Variants in LUC7L2 observed in about 807,000 individuals in gnomAD.
The protein encoded by LUC7L2 is LUC7 like 2, pre-mRNA splicing factor, also known as putative RNA-binding protein Luc7-like 2.
Under a neutral mutation model 52.8 loss-of-function variants are expected in LUC7L2, and 25 were observed. That is an observed-to-expected ratio of 0.47 (90% CI 0.34 to 0.66). The LOEUF is 0.66. Ranked by LOEUF, LUC7L2 falls within the 30% of genes least tolerant of loss-of-function variation. The pLI is 0.01. For synonymous variants in LUC7L2, 144 were observed against 160.9 expected (o/e 0.89, Z 0.80); for missense variants, 328 against 497.8 (o/e 0.66, Z 3.25).
At chr7:139,347,711 A>C (rs1027344945) in intron 1 of LUC7L2, among the ~76,000 whole-genome samples, 3 of 152,128 alleles carry the variant, frequency 2.0e-5, no homozygotes, top group African/African-American at 7.2e-5. Context: ...TGTTTAACAT[A>C]CCTTTTTTGT....
chr7:139,413,694 C>T (rs1795468686), intron 8 of LUC7L2, among the ~76,000 whole-genome samples: 1 of 152,208 alleles, frequency 6.6e-6, no homozygotes, highest in Non-Finnish European at 1.5e-5. Context: ...AGGAGAATCA[C>T]TTGAACCCAG....
intron 2 of LUC7L2, among the ~76,000 whole-genome samples, chr7:139,384,831 A>G (rs1794120522): frequency 6.6e-6 from 1 of 152,070 alleles, no homozygotes; most frequent in Non-Finnish European, 1.5e-5. Context: ...TCATGGTGCA[A>G]TACAGCCTTG....
chr7:139,391,872 C>T (rs762919325), intron 2 of LUC7L2, among the ~76,000 whole-genome samples: 4 of 152,296 alleles, frequency 2.6e-5, no homozygotes, highest in Non-Finnish European at 5.9e-5. Context: ...CAGGTGTGAG[C>T]CACCACGCCC....
intron 2 of LUC7L2, among the ~76,000 whole-genome samples, chr7:139,394,930 A>AT: frequency 6.6e-6 from 1 of 152,346 alleles, no homozygotes; most frequent in South Asian, 2.1e-4. Flanking sequence ...CACATTAAAA[A>AT]TACCTGGGGG....
chr7:139,344,318 A>G (rs1405565043), intron 1 of LUC7L2, among the ~76,000 whole-genome samples: 3 of 152,176 alleles, frequency 2.0e-5, no homozygotes, highest in East Asian at 3.8e-4. Flanking sequence ...ACCAAAATCC[A>G]TGGATGCTCA....
intron 9 of LUC7L2, among the ~76,000 whole-genome samples, chr7:139,420,870 C>T (rs965393497): frequency 6.6e-6 from 1 of 152,168 alleles, no homozygotes; most frequent in African/African-American, 2.4e-5. Context: ...GCGATCTGGG[C>T]TCACTGCAGC....
upstream of LUC7L2, among the ~76,000 whole-genome samples, chr7:139,357,633 T>G (rs920949154): frequency 6.6e-6 from 1 of 152,080 alleles, no homozygotes; most frequent in African/African-American, 2.4e-5. Flanking sequence ...GAATTCAGAG[T>G]TCTCTGAATA....
rs113223879 is a variant in LUC7L2, at chr7:139,406,574, G to T, written c.511-600G>T. Among the ~76,000 whole-genome samples the T allele has an allele frequency of 9.2e-5, 14 of 151,832 alleles. 1 individual carries two copies. The highest frequency in any genetic ancestry group is 3.4e-4 in the African/African-American group (14 of 41,404). On this transcript the variant is annotated intron_variant, in intron 5 of 9. Transcript: ENST00000354926. ...TCACCATGTTGGCCAGGCTGGTCTT[G>T]AACTCCTGACCTGGGGTGATCTGTC...
At chr7:139,353,370 A>G (rs1162163013) in intron 1 of LUC7L2, among the ~76,000 whole-genome samples, 1 of 152,172 alleles carries the variant, frequency 6.6e-6, no homozygotes, top group African/African-American at 2.4e-5. Flanking sequence ...ACTTGTACCT[A>G]TTCTGTTTTA....
intron 7 of LUC7L2, among the ~76,000 whole-genome samples, chr7:139,412,328 C>T (rs1260447824): frequency 2.0e-5 from 3 of 151,766 alleles, no homozygotes; most frequent in African/African-American, 7.3e-5. Flanking sequence ...CTCCTAGGAA[C>T]ATATTCTTTA....
intron 3 of LUC7L2, 110 bp from the exon 4 acceptor site, chr7:139,402,027 C>T (rs577718456): frequency 2.4e-4 from 283 of 1,190,222 alleles, no homozygotes; most frequent in Non-Finnish European, 2.5e-4. Flanking sequence ...CGTGAGCCAC[C>T]GTGCCCCACC....
intron 9 of LUC7L2, among the ~76,000 whole-genome samples, chr7:139,420,033 A>G (rs898666577): frequency 6.8e-6 from 1 of 147,880 alleles, no homozygotes; most frequent in Admixed American, 6.7e-5. Flanking sequence ...TCCTTTCCCT[A>G]CTGTGAAATA....
chr7:139,408,881 C>CTTA lies in LUC7L2; in HGVS notation c.688-680_688-678dup, dbSNP rs1795232683. Among the ~76,000 whole-genome samples the CTTA allele has an allele frequency of 2.0e-5, 3 of 149,598 alleles. No individual in the cohort carries two copies. In the South Asian group the frequency reaches 6.3e-4, roughly 32 times the overall value. On this transcript the variant is annotated intron_variant, in intron 6 of 9. Coordinates refer to ENST00000354926, the MANE Select transcript of LUC7L2 (RefSeq NM_016019.5). ...AAAGTCATGGAGCTGGGTATGGTGG[C>CTTA]TTATGCCTGTAATCCCAGCACTTTG...
chr7:139,407,431 C>T (rs1795175949), intron 6 of LUC7L2, 81 bp downstream of exon 6: 2 of 1,448,718 alleles, frequency 1.4e-6, no homozygotes, highest in East Asian at 2.3e-5. Flanking sequence ...ATATTCTTGA[C>T]TATGATTCAG....
intron 2 of LUC7L2, chr7:139,392,637 G>A (rs1336162003): frequency 5.1e-6 from 1 of 195,500 alleles, no homozygotes; most frequent in Non-Finnish European, 1.1e-5. Context: ...CTTGTGGAAG[G>A]AATTTAATTA....
intron 2 of LUC7L2, among the ~76,000 whole-genome samples, chr7:139,383,388 G>A (rs1801145197): frequency 1.3e-5 from 2 of 151,536 alleles, no homozygotes; most frequent in Admixed American, 1.3e-4. Flanking sequence ...AAAGTGGAGA[G>A]TATCTTGGCT....
intron 2 of LUC7L2, among the ~76,000 whole-genome samples, chr7:139,385,226 A>G (rs150993998): frequency 2.0e-5 from 3 of 148,484 alleles, no homozygotes; most frequent in African/African-American, 7.3e-5. Context: ...AGCCTACTGT[A>G]TTTTATTTAT....
intron 1 of LUC7L2, among the ~76,000 whole-genome samples, chr7:139,343,193 T>C (rs959453789): frequency 5.9e-5 from 9 of 152,360 alleles, no homozygotes; most frequent in Admixed American, 2.0e-4. Flanking sequence ...TCCACAAATT[T>C]GGGCTTATAT....
intron 1 of LUC7L2, chr7:139,375,476 C>T: frequency 8.1e-6 from 8 of 985,406 alleles, no homozygotes; most frequent in Non-Finnish European, 9.6e-6. Context: ...CTCTTAAACG[C>T]GTTATTCTAC....
Sources: allele counts gnomAD v4.1 joint callset (sites outside exome capture counted in the v4.1 genomes callset), GRCh38; gene constraint gnomAD v4.1.1; transcripts MANE v1.5; gene names NCBI Gene and HGNC (gene_info 2026-07-23, HGNC 2026-07-21).